The following ABCC5 variants were observed in gnomAD, a reference collection of about 807,000 sequenced individuals.
ABCC5 encodes ATP binding cassette subfamily C member 5.
ABCC5 carries 61 observed loss-of-function variants against 160.9 expected under a neutral mutation model. That is an observed-to-expected ratio of 0.38 (90% confidence interval 0.31 to 0.47). ABCC5 has a LOEUF of 0.47. Ranked by LOEUF, ABCC5 falls within the 20% of genes least tolerant of loss-of-function variation. ABCC5 has a pLI of 0.99. For missense variants in ABCC5, 1,308 were observed against 1,813.3 expected (o/e 0.72, Z 5.06); for synonymous variants, 666 against 700.6 (o/e 0.95, Z 0.78).
At chr3:183,967,639 T>C in intron 12 of ABCC5, 56 bp downstream of exon 12, 2 of 1,494,614 alleles carry the variant, frequency 1.3e-6, no homozygotes, top group Non-Finnish European at 1.9e-6. Context: ...TCGTTTTTCC[T>C]GAGACTCTTG....
At chr3:183,930,433 T>C (rs903216269) in intron 26 of ABCC5, among the ~76,000 whole-genome samples, 16 of 152,244 alleles carry the variant, frequency 1.1e-4, no homozygotes, top group Admixed American at 2.0e-4. Context: ...TACAGTTTAA[T>C]GGGTTGACCT....
chr3:183,995,995 G>A (rs1720251732), intron 2 of ABCC5, among the ~76,000 whole-genome samples: 1 of 152,136 alleles, frequency 6.6e-6, no homozygotes, highest in African/African-American at 2.4e-5. Flanking sequence ...TTTTAGTAGA[G>A]ATGGGGTTTC....
intron 1 of ABCC5, 58 bp from the exon 2 acceptor site, chr3:184,014,505 G>T: frequency 9.6e-7 from 1 of 1,036,710 alleles, no homozygotes; most frequent in Non-Finnish European, 1.3e-6. Flanking sequence ...TTAACCATAA[G>T]CTCAAGTGCC....
rs28365013 is a variant in ABCC5, at chr3:183,967,809, A to G, written c.1762-43T>C. ...AGAGGAGGGTCATTTAGAGACTACTAACCACTCATCGCTAAGGACTTGAGG... is the reference window on the plus strand; with the variant it reads ...AGAGGAGGGTCATTTAGAGACTACTGACCACTCATCGCTAAGGACTTGAGG... On this transcript the variant is annotated intron_variant, in intron 11 of 29. Transcript: ENST00000334444. 5,188 of 1,475,342 alleles carry G rather than the reference A, an allele frequency of 3.5e-3. 167 individuals carry two copies. In the African/African-American group the frequency reaches 0.062, roughly 18 times the overall value. The allele number at this position is 1,475,342 out of a possible 1,614,324, so 91.4% of individuals were successfully genotyped here.
At position 183,927,807 on chromosome 3, in the gene ABCC5, C is replaced by T. The variant is rs914032132; in HGVS notation, c.3934-364G>A. 8 of 985,320 alleles carry T rather than the reference C, an allele frequency of 8.1e-6. No homozygotes were observed. In the African/African-American group the frequency reaches 8.7e-5, roughly 11 times the overall value. The allele number at this position is 985,320 out of a possible 1,614,324, so 61.0% of individuals were successfully genotyped here. ...GTACTCTCCTTCTGAAGTCCAAAGCCGTAGGCCCGTGCCTGTGAAACATTT... is the reference window on the plus strand; with the variant it reads ...GTACTCTCCTTCTGAAGTCCAAAGCTGTAGGCCCGTGCCTGTGAAACATTT... On this transcript the variant is annotated intron_variant, in intron 27 of 29. Coordinates refer to ENST00000334444, the MANE Select transcript of ABCC5 (RefSeq NM_005688.4).
At chr3:183,992,788 CA>C (rs1267729917) in intron 2 of ABCC5, among the ~76,000 whole-genome samples, 4 of 138,658 alleles carry the variant, frequency 2.9e-5, no homozygotes, top group South Asian at 4.6e-4. Flanking sequence ...GACTCCGTCT[CA>C]AAAAAAAAAT....
At chr3:183,998,085 A>G (rs1484873069) in intron 2 of ABCC5, among the ~76,000 whole-genome samples, 6 of 152,036 alleles carry the variant, frequency 3.9e-5, no homozygotes. Context: ...CTCCACACCC[A>G]GCTTTTGCTT....
At chr3:184,009,035 TTTTATTTTTTTG>T (rs1278325947) in intron 2 of ABCC5, among the ~76,000 whole-genome samples, 2 of 152,136 alleles carry the variant, frequency 1.3e-5, no homozygotes, top group Non-Finnish European at 2.9e-5. Flanking sequence ...TTATTTTTAT[TTTTATTTTTTTG>T]TAGAGACAGG....
chr3:183,955,832 G>A lies in ABCC5; in HGVS notation c.2483-2562C>T, dbSNP rs550094503. 7.6e-4 allele frequency among the ~76,000 whole-genome samples: 109 copies of A among 142,914 alleles called. 18 individuals are homozygous for A. Among genetic ancestry groups the A allele is most frequent in the South Asian group, 3.8e-3 (17 of 4,514 alleles). 93.8% of individuals were successfully genotyped at this position (142,914 alleles called of 152,430 possible). A position where few individuals can be genotyped will look rare whatever the true frequency, so the allele number is the denominator to read the frequency against. ...TATCACATCAGTTACATGCAGCTCC[G>A]TGTGTATATCACATCGGTTACATGC... On this transcript the variant is annotated intron_variant, in intron 17 of 29. Transcript: ENST00000334444.
At chr3:183,985,045 T>C (rs1719084162) in intron 5 of ABCC5, 2 of 714,880 alleles carry the variant, frequency 2.8e-6, no homozygotes, top group South Asian at 1.9e-5. Context: ...TATGCGAAAC[T>C]TTCAAAGGGG....
chr3:183,984,539 T>G, intron 5 of ABCC5: 1 of 1,172,652 alleles, frequency 8.5e-7, no homozygotes, highest in East Asian at 4.7e-5. Context: ...ATTAAATTAA[T>G]ACCAGATGTC....
At chr3:183,969,980 C>T (rs1422542732) in intron 11 of ABCC5, among the ~76,000 whole-genome samples, 1 of 152,234 alleles carries the variant, frequency 6.6e-6, no homozygotes, top group African/African-American at 2.4e-5. Flanking sequence ...TGATCTAAGA[C>T]ATCCTCATCT....
intron 24 of ABCC5, 68 bp from the exon 25 acceptor site, chr3:183,942,984 G>A (rs1714512271): frequency 6.7e-7 from 1 of 1,492,270 alleles, no homozygotes; most frequent in African/African-American, 1.4e-5. Context: ...CTTTGTCACA[G>A]AGAAATAAAA....
chr3:183,982,510 T>C lies in ABCC5; in HGVS notation c.940A>G (p.Ile314Val). ...CCCAGGAAGCCTGTTGGTCCCAGAA[T>C]AATTACATTATAAATCATGCCTAAG... is the stretch of plus-strand genomic sequence containing the variant. ...AILGMIYNVI[I>V]LGPTGFLGSA... The change falls in exon 7 of 30, where the codon ATT (isoleucine) becomes GTT (valine). Residue 314 changes from isoleucine to valine, a missense_variant. Ile to Val is a conservative substitution (Grantham distance 29, BLOSUM62 3). Around this residue, in one of 3 missense-constraint regions of ABCC5, gnomAD observed 1,142 missense variants for 1,527.1 expected, o/e 0.75. Coordinates refer to ENST00000334444, the MANE Select transcript of ABCC5 (RefSeq NM_005688.4). This position sits in a 1 kb window ranked among gnomAD's most constrained non-coding sequence, Gnocchi z 5.2. 6.2e-7 allele frequency: 1 copy of C among 1,614,148 alleles called. No individual in the cohort carries two copies. Among genetic ancestry groups the C allele is most frequent in the Non-Finnish European group, 8.5e-7 (1 of 1,180,026 alleles).
chr3:183,978,458 A>C (rs374835526), intron 9 of ABCC5, 45 bp downstream of exon 9: 2 of 1,590,418 alleles, frequency 1.3e-6, no homozygotes, highest in East Asian at 2.2e-5. Flanking sequence ...CCTCCAGCAA[A>C]TGTGGTATTT....
At chr3:183,970,248 C>A (rs888055521) in intron 11 of ABCC5, among the ~76,000 whole-genome samples, 2 of 152,176 alleles carry the variant, frequency 1.3e-5, no homozygotes, top group Non-Finnish European at 2.9e-5. Flanking sequence ...TCACCACTTG[C>A]GGCCTCTGTG....
At position 183,950,095 on chromosome 3, in the gene ABCC5, A is replaced by G. The variant is rs1715201020; in HGVS notation, c.2975T>C (p.Met992Thr). 2 of 1,614,114 alleles carry G rather than the reference A, an allele frequency of 1.2e-6. No homozygotes were observed. The highest frequency in any genetic ancestry group is 2.2e-5 in the East Asian group (1 of 44,884). Reference protein sequence around the residue: ...VDVRLPFQAEMFIQNVILVFF... With the variant: ...VDVRLPFQAETFIQNVILVFF... ...CACCAGGATAACGTTCTGGATGAACATCTCGGCCTGGAACGGCAGCCGCAC... is the reference window on the plus strand; with the variant it reads ...CACCAGGATAACGTTCTGGATGAACGTCTCGGCCTGGAACGGCAGCCGCAC... The change falls in exon 21 of 30, where the codon ATG becomes ACG. Residue 992 changes from methionine (M) to threonine (T), a missense_variant. Met to Thr is a moderately conservative substitution (Grantham distance 81). Around this residue, in one of 3 missense-constraint regions of ABCC5, gnomAD observed 1,142 missense variants for 1,527.1 expected, o/e 0.75. Transcript: ENST00000334444.
chr3:183,971,039 C>T (rs1220681820), intron 11 of ABCC5, among the ~76,000 whole-genome samples: 1 of 152,228 alleles, frequency 6.6e-6, no homozygotes, highest in Non-Finnish European at 1.5e-5. Flanking sequence ...AACCTGGCAT[C>T]TCTGTTCCAC....
At chr3:183,989,664 C>T (rs978245839) in intron 2 of ABCC5, among the ~76,000 whole-genome samples, 44 of 151,138 alleles carry the variant, frequency 2.9e-4, no homozygotes, top group African/African-American at 1.1e-3. Context: ...TCCCATATAC[C>T]TCTGTACCTC....
Sources: allele counts gnomAD v4.1 joint callset (sites outside exome capture counted in the v4.1 genomes callset), GRCh38; gene constraint gnomAD v4.1.1; regional missense constraint gnomAD v4.1.1; non-coding constraint Gnocchi (gnomAD v3.1); transcripts MANE v1.5; gene names NCBI Gene and HGNC (gene_info 2026-07-23, HGNC 2026-07-21).